Variants in STK4 observed in about 807,000 individuals in gnomAD.
The protein encoded by STK4 is serine/threonine kinase 4.
A neutral mutation model predicts 64.9 loss-of-function variants in STK4; 30 were observed. The ratio of observed to expected loss-of-function variants is 0.46; its 90% confidence interval spans 0.35 to 0.63. The LOEUF is 0.63. STK4 is among the 20% of genes least tolerant of loss of function. STK4 has a pLI of 0.01. For synonymous variants in STK4, 177 were observed against 199.0 expected (o/e 0.89, Z 0.93); for missense variants, 466 against 598.5 (o/e 0.78, Z 2.31).
At chr20:45,026,062 A>G (rs538625856) in intron 10 of STK4, among the ~76,000 whole-genome samples, 2 of 148,266 alleles carry the variant, frequency 1.3e-5, no homozygotes, top group South Asian at 4.3e-4. Flanking sequence ...TTAGTCACTG[A>G]ACCCATGATA....
At chr20:45,006,224 T>C (rs1203667588) in intron 9 of STK4, among the ~76,000 whole-genome samples, 1 of 149,978 alleles carries the variant, frequency 6.7e-6, no homozygotes, top group African/African-American at 2.5e-5. Flanking sequence ...TCCTTTTTTA[T>C]TTTATTTTTG....
At chr20:45,014,826 A>G (rs960837936) in intron 9 of STK4, among the ~76,000 whole-genome samples, 2 of 152,186 alleles carry the variant, frequency 1.3e-5, no homozygotes. Flanking sequence ...TCCAGGCTTA[A>G]TAGGTCAATG....
At chr20:44,977,398 A>G (rs2047231307) in intron 2 of STK4, among the ~76,000 whole-genome samples, 1 of 152,002 alleles carries the variant, frequency 6.6e-6, no homozygotes, top group South Asian at 2.1e-4. Context: ...TTTTTTCACC[A>G]AGACAGTGTG....
At chr20:45,036,502 C>G (rs2068529268) in intron 10 of STK4, among the ~76,000 whole-genome samples, 1 of 152,054 alleles carries the variant, frequency 6.6e-6, no homozygotes, top group Non-Finnish European at 1.5e-5. Context: ...AATAATGTCC[C>G]CAGCGTGCGA....
At chr20:45,022,268 C>T (rs922542333) in intron 9 of STK4, among the ~76,000 whole-genome samples, 2 of 152,062 alleles carry the variant, frequency 1.3e-5, no homozygotes, top group Non-Finnish European at 2.9e-5. Context: ...AAAAAATTCT[C>T]TTTTTATTTC....
chr20:45,025,103 A>T lies in STK4; in HGVS notation c.1278A>T (p.Lys426Asn). ...PGPLKNSSDW[K>N]IPQDGDYEFL... ...CACTGAAAAATTCTTCAGATTGGAA[A>T]ATACCACAGGATGGAGACTACGAGT... The change falls in exon 10 of 11, where the codon AAA becomes AAT. Residue 426 changes from lysine (K) to asparagine (N), a missense_variant. Around this residue, in one of 2 missense-constraint regions of STK4, gnomAD observed 276 missense variants for 308.9 expected, o/e 0.89. Coordinates refer to ENST00000372806, the MANE Select transcript of STK4 (RefSeq NM_006282.5). 2 of 1,613,332 alleles carry T rather than the reference A, an allele frequency of 1.2e-6. No homozygotes were observed. The highest frequency in any genetic ancestry group is 1.1e-5 in the South Asian group (1 of 90,926).
chr20:44,997,573 C>T (rs1348680826), intron 7 of STK4, among the ~76,000 whole-genome samples: 1 of 152,116 alleles, frequency 6.6e-6, no homozygotes, highest in Non-Finnish European at 1.5e-5. Context: ...GCCTGTAGTT[C>T]CAGCTACCTG....
At position 45,075,258 on chromosome 20, in the gene STK4, C is replaced by A; in HGVS notation, c.*82C>A. 1 of 1,529,742 alleles carries A rather than the reference C, an allele frequency of 6.5e-7. No individual in the cohort carries two copies. The highest frequency in any genetic ancestry group is 8.8e-7 in the Non-Finnish European group (1 of 1,136,072). 94.8% of individuals were successfully genotyped at this position (1,529,742 alleles called of 1,614,324 possible). On this transcript the variant is annotated 3_prime_UTR_variant, in exon 11 of 11. Coordinates refer to ENST00000372806, the MANE Select transcript of STK4 (RefSeq NM_006282.5). ...GGCTTGCCTCATGTTTGTTAGCCAG[C>A]ACTTCTGCTCTGTCGTCTCTCCACA...
intron 9 of STK4, among the ~76,000 whole-genome samples, chr20:45,011,116 G>A (rs2068037303): frequency 6.6e-6 from 1 of 152,152 alleles, no homozygotes; most frequent in South Asian, 2.1e-4. Context: ...TCTTCTATTT[G>A]TCTAGATATG....
intron 4 of STK4, among the ~76,000 whole-genome samples, chr20:44,984,855 C>T (rs571426782): frequency 1.3e-5 from 2 of 151,470 alleles, no homozygotes; most frequent in South Asian, 4.2e-4. Context: ...GATCATAGGT[C>T]ACTGTATGTT....
chr20:44,980,236 T>C (rs1185543252), intron 3 of STK4, among the ~76,000 whole-genome samples: 1 of 152,234 alleles, frequency 6.6e-6, no homozygotes, highest in East Asian at 1.9e-4. Flanking sequence ...AGTAAATGTG[T>C]TGATATTTAC....
intron 9 of STK4, among the ~76,000 whole-genome samples, chr20:45,010,092 G>A (rs1489763328): frequency 3.9e-5 from 6 of 151,922 alleles, no homozygotes; most frequent in Middle Eastern, 3.4e-3. Context: ...TTTCTGAAAC[G>A]GAGTCTTGCT....
chr20:45,039,864 C>G (rs1169366379), intron 10 of STK4, among the ~76,000 whole-genome samples: 3 of 152,064 alleles, frequency 2.0e-5, no homozygotes, highest in Non-Finnish European at 4.4e-5. Context: ...TTAGCCCCCA[C>G]TGCTTTTGTG....
intron 4 of STK4, among the ~76,000 whole-genome samples, chr20:44,983,737 A>G (rs2067480833): frequency 6.6e-6 from 1 of 152,176 alleles, no homozygotes; most frequent in Non-Finnish European, 1.5e-5. Flanking sequence ...AAGAATAATA[A>G]TATCTGTATT....
At chr20:44,970,755 T>G (rs1013412224) in intron 1 of STK4, 4 of 152,212 alleles carry the variant, frequency 2.6e-5, no homozygotes, top group African/African-American at 9.6e-5. Context: ...GTCCTTGATA[T>G]TCATAAACTA....
Position 45,046,927 on chromosome 20 carries a change from G to A in STK4, c.1305+21797G>A, listed in dbSNP as rs6031952. Reference sequence around the variant, plus strand: ...GAACTCCTGACCTCGTGATCTGCCCGCCTCGGCCTCCCAAAGTGCTGGGAT... The same window carrying A: ...GAACTCCTGACCTCGTGATCTGCCCACCTCGGCCTCCCAAAGTGCTGGGAT... On this transcript the variant is annotated intron_variant, in intron 10 of 10. Coordinates refer to ENST00000372806, the MANE Select transcript of STK4 (RefSeq NM_006282.5). Among the ~76,000 whole-genome samples the A allele has an allele frequency of 8.3e-3, 1,267 of 152,092 alleles. 19 individuals are homozygous for A. Among genetic ancestry groups the A allele is most frequent in the African/African-American group, 0.029 (1,194 of 41,504 alleles).
intron 2 of STK4, among the ~76,000 whole-genome samples, chr20:44,977,383 A>AT (rs36049440): frequency 9.3e-5 from 14 of 150,280 alleles, no homozygotes; most frequent in African/African-American, 2.9e-4. Context: ...TGCTATTTTG[A>AT]TTTTTTTTTT....
At chr20:45,058,357 T>C (rs549517437) in intron 10 of STK4, among the ~76,000 whole-genome samples, 115 of 152,336 alleles carry the variant, frequency 7.5e-4, no homozygotes, top group Middle Eastern at 3.4e-3. Context: ...CTGAGTGCTA[T>C]GTACTTGCAA....
In STK4 at chr20:44,968,122, T is replaced by C. The variant is rs540658167; in HGVS notation, c.35+1519T>C. On this transcript the variant is annotated intron_variant, in intron 1 of 10. Transcript: ENST00000372806. ...AGCTAGGATTTTAATGTCTATGGGG[T>C]CTGGTCCAAAGTCCATGTTCTTTTT... 1.5e-3 allele frequency among the ~76,000 whole-genome samples: 229 copies of C among 151,932 alleles called. 2 individuals carry two copies. Among genetic ancestry groups the C allele is most frequent in the African/African-American group, 4.9e-3 (203 of 41,486 alleles).
Sources: gnomAD v4.1 joint callset for allele counts (sites outside exome capture counted in the v4.1 genomes callset) on GRCh38, gnomAD v4.1.1 for gene constraint, gnomAD v4.1.1 regional missense constraint, MANE v1.5 for transcripts, NCBI Gene and HGNC (gene_info 2026-07-23, HGNC 2026-07-21) for gene names.